The following DRD3 variants were observed in gnomAD, a reference collection of about 807,000 sequenced individuals.
The protein encoded by DRD3 is dopamine receptor D3.
A neutral mutation model predicts 36.3 loss-of-function variants in DRD3; 19 were observed. The observed-to-expected ratio is 0.52, with a 90% CI of 0.36 to 0.77. The LOEUF is 0.77. Ranked by LOEUF, DRD3 falls within the 30% of genes least tolerant of loss-of-function variation. DRD3 has a pLI of 0.00. For missense variants in DRD3, 465 were observed against 505.3 expected (o/e 0.92, Z 0.77); for synonymous variants, 195 against 203.7 (o/e 0.96, Z 0.36).
upstream of DRD3, among the ~76,000 whole-genome samples, chr3:114,183,525 A>G (rs1403388741): frequency 2.0e-5 from 3 of 152,160 alleles, no homozygotes; most frequent in African/African-American, 7.2e-5. Context: ...GTGGAATGTT[A>G]AAGTTTCCAA....
chr3:114,183,372 T>C (rs529037325), upstream of DRD3, among the ~76,000 whole-genome samples: 4 of 152,366 alleles, frequency 2.6e-5, no homozygotes, highest in South Asian at 8.3e-4. Flanking sequence ...ATGTCCCATG[T>C]GTACTTGAAA....
At chr3:114,136,645 C>T (rs1215596877) in intron 5 of DRD3, among the ~76,000 whole-genome samples, 3 of 152,210 alleles carry the variant, frequency 2.0e-5, no homozygotes, top group African/African-American at 7.2e-5. Context: ...CACACCAGGC[C>T]TGTGTAGAAA....
chr3:114,189,558 G>A (rs1281996725), intron 1 of DRD3, among the ~76,000 whole-genome samples: 2 of 152,212 alleles, frequency 1.3e-5, no homozygotes, highest in African/African-American at 2.4e-5. Flanking sequence ...CTAGGAAACT[G>A]ACTTAATAAA....
rs185985777 is a variant in DRD3 at position 114,127,655 on chromosome 3, C to T, written c.*1061G>A. ...CTGTACACAATTGTATACTTTTACA[C>T]GACTGGCAGCATCATTTTGTTTATA... On this transcript the variant is annotated 3_prime_UTR_variant, in exon 7 of 7. Coordinates refer to ENST00000383673, the MANE Select transcript of DRD3 (RefSeq NM_000796.6). Among the ~76,000 whole-genome samples the T allele has an allele frequency of 1.3e-5, 2 of 152,294 alleles. No individual in the cohort carries two copies. The highest frequency in any genetic ancestry group is 6.5e-5 in the Admixed American group (1 of 15,290).
At chr3:114,194,210 A>G (rs765159413) in intron 1 of DRD3, among the ~76,000 whole-genome samples, 1 of 152,224 alleles carries the variant, frequency 6.6e-6, no homozygotes, top group East Asian at 1.9e-4. Flanking sequence ...TTTCCATCCA[A>G]CTGGTGGTTT....
At chr3:114,187,314 G>T in intron 1 of DRD3, among the ~76,000 whole-genome samples, 1 of 152,284 alleles carries the variant, frequency 6.6e-6, no homozygotes, top group East Asian at 1.9e-4. Flanking sequence ...TTTGATCTCT[G>T]CCCTAGAGCA....
At chr3:114,174,095 G>A (rs1183177789) in intron 1 of DRD3, among the ~76,000 whole-genome samples, 2 of 152,150 alleles carry the variant, frequency 1.3e-5, no homozygotes, top group Non-Finnish European at 2.9e-5. Flanking sequence ...TGCACTCAAT[G>A]TATTTTAAAA....
chr3:114,196,573 G>C (rs1280716338), intron 1 of DRD3, among the ~76,000 whole-genome samples: 3 of 152,204 alleles, frequency 2.0e-5, no homozygotes, highest in Admixed American at 2.0e-4. Context: ...GTTTTCTAAA[G>C]TGGCTGTACT....
chr3:114,179,661 A>G (rs966425371), upstream of DRD3, among the ~76,000 whole-genome samples: 4 of 152,118 alleles, frequency 2.6e-5, no homozygotes, highest in Non-Finnish European at 5.9e-5. Context: ...TGGCATCCTA[A>G]CCATTTCCTG....
At chr3:114,160,631 C>T (rs1374302948) in intron 2 of DRD3, among the ~76,000 whole-genome samples, 1 of 152,194 alleles carries the variant, frequency 6.6e-6, no homozygotes, top group Admixed American at 6.5e-5. Flanking sequence ...GCTCATCATG[C>T]ACTCAAGAAA....
At chr3:114,134,347 C>T (rs2077457238) in intron 5 of DRD3, among the ~76,000 whole-genome samples, 2 of 152,114 alleles carry the variant, frequency 1.3e-5, no homozygotes, top group Admixed American at 1.3e-4. Context: ...ATCCTCCTGT[C>T]TTGGCCTCCA....
intron 1 of DRD3, among the ~76,000 whole-genome samples, chr3:114,190,626 A>G (rs2078006196): frequency 6.6e-6 from 1 of 150,620 alleles, no homozygotes; most frequent in Admixed American, 6.6e-5. Context: ...TCTGCCCTGA[A>G]CAGCTTAGCA....
At chr3:114,191,872 G>A (rs1336592046) in intron 1 of DRD3, among the ~76,000 whole-genome samples, 2 of 152,214 alleles carry the variant, frequency 1.3e-5, no homozygotes, top group South Asian at 2.1e-4. Flanking sequence ...TAAGAGCATT[G>A]AGGATCAATC....
At chr3:114,177,006 C>T (rs567151309) in intron 1 of DRD3, among the ~76,000 whole-genome samples, 3 of 152,244 alleles carry the variant, frequency 2.0e-5, no homozygotes, top group African/African-American at 7.2e-5. Flanking sequence ...GTTGATTCAA[C>T]CCAAGATTTG....
rs927509501 is a variant in DRD3 at position 114,156,606 on chromosome 3, G to A, written c.383+3149C>T. The stretch of plus-strand genomic sequence containing the variant: ...TAGCACTATCAAAATCATTCCCTTA[G>A]AAGTAAAGCCTTACTCAAAATCCCT... On this transcript the variant is annotated intron_variant, in intron 3 of 6. Transcript: ENST00000383673. Among the ~76,000 whole-genome samples the A allele has an allele frequency of 2.0e-5, 3 of 151,712 alleles. No homozygotes were observed. The South Asian group carries it at 6.2e-4, about 32-fold the overall frequency.
chr3:114,147,669 G>T, intron 3 of DRD3, 112 bp from the exon 4 acceptor site: 1 of 1,297,226 alleles, frequency 7.7e-7, no homozygotes. Flanking sequence ...CTGTCACCCA[G>T]GCAGAAGTGC....
chr3:114,156,719 T>TCTG lies in DRD3; in HGVS notation c.383+3035_383+3036insCAG, dbSNP rs2077671547. ...TTTCCACAATATGGCTTGCCTGTCT[T>TCTG]TCTTTCTTTCTTTCTTTCTTTCTTT... On this transcript the variant is annotated intron_variant, in intron 3 of 6. Transcript: ENST00000383673. Among the ~76,000 whole-genome samples the TCTG allele has an allele frequency of 3.9e-4, 10 of 25,952 alleles. No homozygotes were observed. In the South Asian group the frequency reaches 7.7e-3, roughly 20 times the overall value. The allele number at this position is 25,952 out of a possible 152,430, so 17.0% of individuals were successfully genotyped here.
intron 1 of DRD3, among the ~76,000 whole-genome samples, chr3:114,187,130 T>C (rs762218478): frequency 6.6e-6 from 1 of 152,242 alleles, no homozygotes; most frequent in Admixed American, 6.5e-5. Flanking sequence ...AACTTTTTCA[T>C]AGTTGACAAC....
chr3:114,174,113 A>G (rs944111669), intron 1 of DRD3, among the ~76,000 whole-genome samples: 7 of 152,208 alleles, frequency 4.6e-5, no homozygotes, highest in African/African-American at 1.7e-4. Context: ...AAACATAATA[A>G]TAATTCTTGA....
Sources: gnomAD v4.1 joint callset for allele counts (sites outside exome capture counted in the v4.1 genomes callset) on GRCh38, gnomAD v4.1.1 for gene constraint, MANE v1.5 for transcripts, NCBI Gene and HGNC (gene_info 2026-07-23, HGNC 2026-07-21) for gene names.